Variants in PCDH15 observed in about 807,000 individuals in gnomAD.
The protein encoded by PCDH15 is protocadherin-15.
In PCDH15, 129 loss-of-function variants were observed where a neutral mutation model predicts 178.5. That is an observed-to-expected ratio of 0.72 (90% CI 0.63 to 0.84). The LOEUF is 0.84. Ranked by LOEUF, PCDH15 falls within the 40% of genes least tolerant of loss-of-function variation. PCDH15 has a pLI of 0.00. For missense variants in PCDH15, 2,230 were observed against 2,099.9 expected (o/e 1.06, Z -1.21); for synonymous variants, 800 against 732.0 (o/e 1.09, Z -1.50).
chr10:54,428,915 G>A (rs886141307), intron 3 of PCDH15, among the ~76,000 whole-genome samples: 2 of 152,170 alleles, frequency 1.3e-5, no homozygotes, highest in Non-Finnish European at 2.9e-5. Flanking sequence ...CAAAAGCTGA[G>A]GAACTTCATC....
intron 3 of PCDH15, among the ~76,000 whole-genome samples, chr10:54,491,934 G>A (rs1279658454): frequency 6.6e-6 from 1 of 152,074 alleles, no homozygotes; most frequent in Non-Finnish European, 1.5e-5. Context: ...TGTTTGGAAA[G>A]GTTAGTTACA....
intron 1 of PCDH15, among the ~76,000 whole-genome samples, chr10:54,799,359 T>C (rs1564504888): frequency 6.6e-6 from 1 of 152,154 alleles, no homozygotes; most frequent in South Asian, 2.1e-4. Context: ...TCACTGGGTT[T>C]TTTTAAAGCA....
chr10:55,079,688 G>T (rs1841990432), intron 2 of PCDH15, among the ~76,000 whole-genome samples: 1 of 152,180 alleles, frequency 6.6e-6, no homozygotes, highest in Non-Finnish European at 1.5e-5. Flanking sequence ...GTAATGGGAT[G>T]ACTCTCTGGG....
intron 32 of PCDH15, among the ~76,000 whole-genome samples, chr10:53,824,408 T>TGAA (rs1160334529): frequency 3.3e-5 from 5 of 152,148 alleles, no homozygotes; most frequent in Non-Finnish European, 5.9e-5. Flanking sequence ...TTAGCAGGAA[T>TGAA]GAAATAAAAA....
rs10647110 is a variant in PCDH15, at chr10:55,459,241, A to AAAAAGAAAG, written c.-156+168383_-156+168384insCTTTCTTTT. 5.1e-3 allele frequency among the ~76,000 whole-genome samples: 687 copies of AAAAAGAAAG among 134,226 alleles called. 23 individuals are homozygous for AAAAAGAAAG. Among genetic ancestry groups the AAAAAGAAAG allele is most frequent in the African/African-American group, 0.019 (654 of 35,282 alleles). The allele number at this position is 134,226 out of a possible 152,430, so 88.1% of individuals were successfully genotyped here. A position where few individuals can be genotyped will look rare whatever the true frequency, so the allele number is the denominator to read the frequency against. ...CGAGTGTCCTTGGAGGCAAAAAAAA[A>AAAAAGAAAG]AAAGAAGGAAAGAAAAAAATAAATC... is the stretch of plus-strand genomic sequence containing the variant. On this transcript the variant is annotated intron_variant, in intron 2 of 5. Coordinates refer to the PCDH15 transcript ENST00000613346.
intron 2 of PCDH15, among the ~76,000 whole-genome samples, chr10:55,373,945 G>A: frequency 6.6e-6 from 1 of 151,100 alleles, no homozygotes. Context: ...CGGTGGTGGG[G>A]TGGGGGGCTG....
chr10:55,321,420 A>G (rs975427293), upstream of PCDH15, among the ~76,000 whole-genome samples: 8 of 152,172 alleles, frequency 5.3e-5, no homozygotes, highest in Non-Finnish European at 1.0e-4. Context: ...TTGAAAAACA[A>G]CTGAGAATAT....
chr10:55,079,188 G>A (rs780704392), intron 2 of PCDH15, among the ~76,000 whole-genome samples: 2 of 151,988 alleles, frequency 1.3e-5, no homozygotes, highest in Non-Finnish European at 2.9e-5. Context: ...TGTTTTCTGT[G>A]TCTTTATGTT....
intron 28 of PCDH15, among the ~76,000 whole-genome samples, chr10:53,852,235 T>C (rs1382390919): frequency 6.6e-6 from 1 of 152,100 alleles, no homozygotes; most frequent in East Asian, 1.9e-4. Context: ...TGTAGTTACG[T>C]GTCCCTACTG....
At chr10:54,311,993 G>A (rs2060941700) in intron 8 of PCDH15, among the ~76,000 whole-genome samples, 1 of 152,018 alleles carries the variant, frequency 6.6e-6, no homozygotes, top group Non-Finnish European at 1.5e-5. Flanking sequence ...TACCACCAAA[G>A]TAAGGAAAAT....
chr10:54,873,016 G>GA (rs200335167), intron 3 of PCDH15, among the ~76,000 whole-genome samples: 70 of 140,602 alleles, frequency 5.0e-4, no homozygotes, highest in African/African-American at 1.6e-3. Context: ...AACCATCCAG[G>GA]AAAAAAAACG....
intron 18 of PCDH15, among the ~76,000 whole-genome samples, chr10:54,056,837 G>C (rs1190199907): frequency 6.6e-6 from 1 of 152,070 alleles, no homozygotes; most frequent in Non-Finnish European, 1.5e-5. Flanking sequence ...TCAAAAGTGA[G>C]TTAGTTACTT....
At chr10:55,437,854 T>TC (rs1269656189) in intron 2 of PCDH15, among the ~76,000 whole-genome samples, 4 of 149,196 alleles carry the variant, frequency 2.7e-5, no homozygotes, top group African/African-American at 7.4e-5. Context: ...TTTTTTTTTT[T>TC]CAGACGGAGT....
chr10:53,977,577 C>T (rs1257200972), intron 21 of PCDH15, among the ~76,000 whole-genome samples: 4 of 152,182 alleles, frequency 2.6e-5, no homozygotes, highest in Middle Eastern at 3.2e-3. Context: ...AGCCAAACCA[C>T]ATCATTCCAC....
chr10:55,033,461 C>T (rs1239020006), intron 2 of PCDH15, among the ~76,000 whole-genome samples: 1 of 152,172 alleles, frequency 6.6e-6, no homozygotes, highest in Non-Finnish European at 1.5e-5. Flanking sequence ...TGGTTTGCCT[C>T]ACTGTGTTTT....
chr10:54,666,765 G>T (rs1565894239), intron 1 of PCDH15, among the ~76,000 whole-genome samples: 1 of 151,888 alleles, frequency 6.6e-6, no homozygotes. Flanking sequence ...TCTTAGCAAA[G>T]GACAAAAGGA....
At chr10:54,440,941 T>C (rs1237365273) in intron 3 of PCDH15, among the ~76,000 whole-genome samples, 4 of 152,014 alleles carry the variant, frequency 2.6e-5, no homozygotes, top group Admixed American at 2.6e-4. Flanking sequence ...ATTTTAACCT[T>C]TGATGACTAT....
chr10:53,888,923 T>A (rs1422897762), intron 26 of PCDH15, among the ~76,000 whole-genome samples: 1 of 150,258 alleles, frequency 6.7e-6, no homozygotes, highest in African/African-American at 2.5e-5. Flanking sequence ...TTTACATCCA[T>A]GACCATTTGA....
intron 3 of PCDH15, among the ~76,000 whole-genome samples, chr10:54,483,480 G>A (rs1346573527): frequency 6.6e-6 from 1 of 151,804 alleles, no homozygotes; most frequent in Non-Finnish European, 1.5e-5. Context: ...ATTAGATAAT[G>A]TCAGCTCCTA....
Sources: allele counts gnomAD v4.1 joint callset (sites outside exome capture counted in the v4.1 genomes callset), GRCh38; gene constraint gnomAD v4.1.1; transcripts MANE v1.5; gene names NCBI Gene and HGNC (gene_info 2026-07-23, HGNC 2026-07-21).